Variants in CNBP observed in about 807,000 individuals in gnomAD.
The protein encoded by CNBP is CCHC-type zinc finger nucleic acid binding protein.
In CNBP, 6 loss-of-function variants were observed where a neutral mutation model predicts 21.2. The observed-to-expected ratio is 0.28, with a 90% CI of 0.16 to 0.56. The LOEUF (loss-of-function observed/expected upper bound fraction) is 0.56, where lower values mean the gene tolerates loss of function less well. Among genes scored for constraint, CNBP ranks in the 20% least tolerant of loss-of-function variants. The probability of loss-of-function intolerance (pLI) is 0.93; values close to 1 mark genes in which losing one functional copy is unlikely to be tolerated. For synonymous variants in CNBP, 61 were observed against 74.9 expected (o/e 0.81, Z 0.96); for missense variants, 112 against 233.1 (o/e 0.48, Z 3.38).
In CNBP at chr3:129,171,361, C is replaced by A. The variant is rs1937564477; in HGVS notation, c.218-84G>T. 8.8e-6 allele frequency: 14 copies of A among 1,597,356 alleles called. No individual in the cohort carries two copies. In the East Asian group the frequency reaches 3.1e-4, roughly 36 times the overall value. ...TTTTAAATTATACAATACAAAACCT[C>A]AAAGGTGGAAATGCTATACACAGTT... On this transcript the variant is annotated intron_variant, in intron 3 of 4. Transcript: ENST00000422453.
At chr3:129,176,222 T>C (rs1937899813) in intron 1 of CNBP, among the ~76,000 whole-genome samples, 1 of 152,162 alleles carries the variant, frequency 6.6e-6, no homozygotes, top group African/African-American at 2.4e-5. Context: ...CTGGCTGGAA[T>C]TTCACTGCAC....
intron 1 of CNBP, among the ~76,000 whole-genome samples, chr3:129,172,931 A>C (rs1197821572): frequency 1.3e-5 from 2 of 152,160 alleles, no homozygotes; most frequent in Non-Finnish European, 2.9e-5. Context: ...ATACTCTCTT[A>C]ACCTTAGCAC....
At chr3:129,180,708 T>G (rs1219525870) in intron 1 of CNBP, among the ~76,000 whole-genome samples, 1 of 152,070 alleles carries the variant, frequency 6.6e-6, no homozygotes, top group Non-Finnish European at 1.5e-5. Flanking sequence ...TTGGCATCAT[T>G]CTTCTGGCTC....
intron 1 of CNBP, among the ~76,000 whole-genome samples, chr3:129,174,479 A>G (rs1179276641): frequency 2.0e-5 from 3 of 151,238 alleles, no homozygotes; most frequent in Non-Finnish European, 4.4e-5. Context: ...CAGCCTCACC[A>G]AGAAGGAGAA....
At chr3:129,178,003 A>C (rs1212094946) in intron 1 of CNBP, among the ~76,000 whole-genome samples, 1 of 152,082 alleles carries the variant, frequency 6.6e-6, no homozygotes, top group Non-Finnish European at 1.5e-5. Context: ...TACTAAAAAT[A>C]CAAAAATTAG....
intron 1 of CNBP, among the ~76,000 whole-genome samples, chr3:129,172,400 G>A (rs565021563): frequency 1.8e-4 from 27 of 151,944 alleles, no homozygotes; most frequent in African/African-American, 6.5e-4. Context: ...TGGCCAACAT[G>A]GCGAAACCCC....
In CNBP at chr3:129,170,489, G is replaced by A. The variant is rs1576907443; in HGVS notation, c.498C>T (p.His166=). The part of the protein sequence containing the change: ...VNCYRCGESG[H]LARECTIEAT... ...CCTCAATTGTGCATTCCCGTGCAAG[G>A]TGCCCTGACTCGCCACAGCGGTAAC... is the stretch of plus-strand genomic sequence containing the variant. The change falls in exon 5 of 5, where the codon CAC becomes CAT. Residue 166 remains histidine, a synonymous_variant. Transcript: ENST00000422453. The A allele has an allele frequency of 6.2e-7, 1 of 1,614,186 alleles. No individual in the cohort carries two copies. The highest frequency in any genetic ancestry group is 1.1e-5 in the South Asian group (1 of 91,082).
chr3:129,172,283 G>A (rs191516662), intron 1 of CNBP, among the ~76,000 whole-genome samples: 49 of 151,818 alleles, frequency 3.2e-4, no homozygotes, highest in African/African-American at 1.2e-3. Flanking sequence ...AATCCATTAA[G>A]AGAAATAATT....
rs1387171624 is a variant in CNBP, at chr3:129,169,340, ACT to A, written c.*1111_*1112del. 8 of 190,922 alleles carry A rather than the reference ACT, an allele frequency of 4.2e-5. No individual in the cohort carries two copies. Among genetic ancestry groups the A allele is most frequent in the African/African-American group, 1.9e-4 (8 of 42,902 alleles). The allele number at this position is 190,922 out of a possible 1,614,324, so 11.8% of individuals were successfully genotyped here. ...AAAACCTGTTCAGACTGAACACAGA[ACT>A]CAAGGGCATTATTATAACAGATTAC... On this transcript the variant is annotated 3_prime_UTR_variant, in exon 5 of 5. Transcript: ENST00000422453.
At chr3:129,180,243 T>C (rs374680155) in intron 1 of CNBP, among the ~76,000 whole-genome samples, 1 of 152,330 alleles carries the variant, frequency 6.6e-6, no homozygotes, top group South Asian at 2.1e-4. Flanking sequence ...TATTTCTCTT[T>C]AGATAAAAAT....
Position 129,171,701 on chromosome 3 carries a change from A to G in CNBP, c.57T>C (p.Cys19=), listed in dbSNP as rs377364582. The change falls in exon 2 of 5, where the codon TGT becomes TGC. Residue 19 remains cysteine (C), a synonymous_variant. Coordinates refer to ENST00000422453, the MANE Select transcript of CNBP (RefSeq NM_003418.5). The part of the protein sequence containing the change: ...CGRSGHWARE[C]PTGGGRGRGM... ...CACGACCACGGCCTCCACCAGTAGGACATTCCCGGGCCCAGTGGCCAGATC... is the reference window on the plus strand; with the variant it reads ...CACGACCACGGCCTCCACCAGTAGGGCATTCCCGGGCCCAGTGGCCAGATC... 30 of 1,614,046 alleles carry G rather than the reference A, an allele frequency of 1.9e-5. No homozygotes were observed. Among genetic ancestry groups the G allele is most frequent in the Non-Finnish European group, 2.4e-5 (28 of 1,180,058 alleles).
At chr3:129,179,592 C>G (rs1938149715) in intron 1 of CNBP, among the ~76,000 whole-genome samples, 1 of 152,130 alleles carries the variant, frequency 6.6e-6, no homozygotes, top group Non-Finnish European at 1.5e-5. Flanking sequence ...TGACACTGGC[C>G]AGGGGCAGTG....
chr3:129,172,588 G>C (rs1167519312), intron 1 of CNBP, among the ~76,000 whole-genome samples: 2 of 28,012 alleles, frequency 7.1e-5, no homozygotes, highest in African/African-American at 1.6e-4. Context: ...AGGCAGGCAG[G>C]CAGGCAGGCA....
chr3:129,172,309 C>T (rs1210789414), intron 1 of CNBP, among the ~76,000 whole-genome samples: 1 of 151,022 alleles, frequency 6.6e-6, no homozygotes, highest in Non-Finnish European at 1.5e-5. Context: ...TGGCTGGGCA[C>T]GGTGGCTCAT....
rs974654943 is a variant in CNBP, at chr3:129,168,679, C to T, written c.*1774G>A. 2.7e-5 allele frequency among the ~76,000 whole-genome samples: 4 copies of T among 147,880 alleles called. No homozygotes were observed. The highest frequency in any genetic ancestry group is 5.9e-5 in the Non-Finnish European group (4 of 67,294). ...CAATGGTATTAAAACTGTTCAGAATCGGCCAGACACGGTGGCTCGCACCTG... is the reference window on the plus strand; with the variant it reads ...CAATGGTATTAAAACTGTTCAGAATTGGCCAGACACGGTGGCTCGCACCTG... On this transcript the variant is annotated 3_prime_UTR_variant, in exon 5 of 5. Transcript: ENST00000422453.
chr3:129,172,509 G>A (rs1203677697), intron 1 of CNBP, among the ~76,000 whole-genome samples: 5 of 152,252 alleles, frequency 3.3e-5, no homozygotes, highest in South Asian at 4.1e-4. Flanking sequence ...TTGAACCCGG[G>A]GGGTGGAGGT....
chr3:129,183,603 G>A (rs769334974), intron 1 of CNBP, among the ~76,000 whole-genome samples, 173 bp downstream of exon 1: 2 of 152,274 alleles, frequency 1.3e-5, no homozygotes, highest in Non-Finnish European at 2.9e-5. Flanking sequence ...CGGTGCGCCA[G>A]AAACCCGGGT....
intron 1 of CNBP, among the ~76,000 whole-genome samples, chr3:129,177,417 C>T (rs189202456): frequency 2.0e-5 from 3 of 152,342 alleles, no homozygotes; most frequent in African/African-American, 4.8e-5. Context: ...TCTGACTACC[C>T]ATCTGTGTCT....
chr3:129,175,870 C>CT (rs1350659637), intron 1 of CNBP, among the ~76,000 whole-genome samples: 2 of 152,178 alleles, frequency 1.3e-5, no homozygotes, highest in African/African-American at 4.8e-5. Flanking sequence ...TAAAAGAGGT[C>CT]TTTGAGTGGC....
Sources: gnomAD v4.1 joint callset for allele counts (sites outside exome capture counted in the v4.1 genomes callset) on GRCh38, gnomAD v4.1.1 for gene constraint, MANE v1.5 for transcripts, NCBI Gene and HGNC (gene_info 2026-07-23, HGNC 2026-07-21) for gene names.